PLAAT4: variants seen among roughly 807,000 people sequenced by gnomAD.
PLAAT4 encodes the protein phospholipase A and acyltransferase 4, also known as HRAS-like suppressor 4.
In PLAAT4, 12 loss-of-function variants were observed where a neutral mutation model predicts 14.1. That is an observed-to-expected ratio of 0.85 (90% CI 0.54 to 1.37). PLAAT4 has a LOEUF of 1.37. Among genes scored for constraint, PLAAT4 ranks in the 40% most tolerant of loss-of-function variants. The pLI, the probability that PLAAT4 is intolerant of heterozygous loss-of-function variation, is 0.00. For missense variants in PLAAT4, 163 were observed against 211.7 expected (o/e 0.77, Z 1.43); for synonymous variants, 77 against 79.8 (o/e 0.96, Z 0.19).
intron 3 of PLAAT4, among the ~76,000 whole-genome samples, chr11:63,545,910 C>T (rs1372210045): frequency 6.6e-6 from 1 of 152,128 alleles, no homozygotes; most frequent in East Asian, 1.9e-4. Flanking sequence ...AGGACAAGCC[C>T]AGACAAGTCG....
intron 2 of PLAAT4, among the ~76,000 whole-genome samples, chr11:63,540,562 A>G (rs2017313433): frequency 6.6e-6 from 1 of 152,190 alleles, no homozygotes; most frequent in South Asian, 2.1e-4. Context: ...ACAGTGGCTC[A>G]CTCCTATAAT....
At chr11:63,542,861 C>T (rs1206863433) in intron 2 of PLAAT4, among the ~76,000 whole-genome samples, 1 of 152,160 alleles carries the variant, frequency 6.6e-6, no homozygotes, top group Non-Finnish European at 1.5e-5. Flanking sequence ...TAACACTAAG[C>T]TTGTGTTATC....
At chr11:63,538,800 T>C (rs2017294440) in intron 1 of PLAAT4, among the ~76,000 whole-genome samples, 1 of 152,114 alleles carries the variant, frequency 6.6e-6, no homozygotes, top group South Asian at 2.1e-4. Flanking sequence ...GATCCTCAGT[T>C]TCCCCATCTG....
chr11:63,539,525 G>C lies in PLAAT4; in HGVS notation c.19G>C (p.Glu7Gln). 6.2e-7 allele frequency: 1 copy of C among 1,613,990 alleles called. No homozygotes were observed. Among genetic ancestry groups the C allele is most frequent in the Non-Finnish European group, 8.5e-7 (1 of 1,179,878 alleles). Reference sequence around the variant, plus strand: ...GGCTTTTCTGTTGCAGCCACACCAAGAGCCCAAACCTGGAGACCTGATTGA... The same window carrying C: ...GGCTTTTCTGTTGCAGCCACACCAACAGCCCAAACCTGGAGACCTGATTGA... MASPHQ[E>Q]PKPGDLIEIF... The change falls in exon 2 of 4, where the codon GAG becomes CAG. Residue 7 changes from glutamate to glutamine, a missense_variant. Transcript: ENST00000255688.
At chr11:63,542,411 C>T (rs920930627) in intron 2 of PLAAT4, among the ~76,000 whole-genome samples, 1 of 152,202 alleles carries the variant, frequency 6.6e-6, no homozygotes, top group Non-Finnish European at 1.5e-5. Context: ...CCTGCTTCCA[C>T]ACATAGGACA....
At position 63,543,060 on chromosome 11, in the gene PLAAT4, T is replaced by C. The variant is rs539790887; in HGVS notation, c.119-1561T>C. Among the ~76,000 whole-genome samples, 29 of 152,380 alleles carry C rather than the reference T, an allele frequency of 1.9e-4. No individual in the cohort carries two copies. The South Asian group carries it at 2.3e-3, about 12-fold the overall frequency. ...TTAACCACGGTAGAAGTTATGTTTG[T>C]TGATGTTCACTCATCTATACCCTCC... On this transcript the variant is annotated intron_variant, in intron 2 of 3. Coordinates refer to ENST00000255688, the MANE Select transcript of PLAAT4 (RefSeq NM_004585.5).
At position 63,546,263 on chromosome 11, in the gene PLAAT4, C is replaced by T. The variant is rs1199864498; in HGVS notation, c.*7C>T. 2 of 1,613,170 alleles carry T rather than the reference C, an allele frequency of 1.2e-6. No individual in the cohort carries two copies. The highest frequency in any genetic ancestry group is 1.3e-5 in the African/African-American group (1 of 74,914). On this transcript the variant is annotated 3_prime_UTR_variant, in exon 4 of 4. Transcript: ENST00000255688. ...AAAAAAAGCGACAGCCTGAAGCAGC[C>T]ACAAAATCCTGTGTTAGAAGCAGCT... is the stretch of plus-strand genomic sequence containing the variant.
intron 2 of PLAAT4, 165 bp from the exon 3 acceptor site, chr11:63,544,456 G>C (rs530613937): frequency 1.2e-6 from 1 of 868,734 alleles, no homozygotes; most frequent in Admixed American, 2.3e-5. Flanking sequence ...CTCCAGCCTG[G>C]GCAACAGAGT....
At chr11:63,545,071 T>G (rs2134360297) in intron 3 of PLAAT4, 182 bp downstream of exon 3, 1 of 815,210 alleles carries the variant, frequency 1.2e-6, no homozygotes, top group Non-Finnish European at 2.0e-6. Context: ...CTTTGGACAG[T>G]TCCCTTCCCC....
chr11:63,546,081 C>G lies in PLAAT4; in HGVS notation c.388-68C>G, dbSNP rs1009904448. 7 of 1,281,410 alleles carry G rather than the reference C, an allele frequency of 5.5e-6. No homozygotes were observed. The African/African-American group carries it at 5.9e-5, about 11-fold the overall frequency. 79.4% of individuals were successfully genotyped at this position (1,281,410 alleles called of 1,614,324 possible). On this transcript the variant is annotated intron_variant, in intron 3 of 3. Coordinates refer to ENST00000255688, the MANE Select transcript of PLAAT4 (RefSeq NM_004585.5). The stretch of plus-strand genomic sequence containing the variant: ...AGGGGAGAGGGAGAGGAGTTCCAGG[C>G]CCTTGGGAGGGAGAAAGTGCCAGCC...
intron 2 of PLAAT4, among the ~76,000 whole-genome samples, chr11:63,541,765 T>C (rs1385649946): frequency 6.6e-6 from 1 of 152,182 alleles, no homozygotes; most frequent in African/African-American, 2.4e-5. Context: ...TACAGTTCTT[T>C]CCATGTATAA....
intron 3 of PLAAT4, chr11:63,545,384 G>A (rs2017356035): frequency 4.9e-6 from 1 of 202,502 alleles, no homozygotes; most frequent in Non-Finnish European, 1.0e-5. Flanking sequence ...CTAATAAGTG[G>A]CAGAACCGGG....
chr11:63,540,909 T>C (rs2017316445), intron 2 of PLAAT4, among the ~76,000 whole-genome samples: 1 of 152,204 alleles, frequency 6.6e-6, no homozygotes, highest in South Asian at 2.1e-4. Flanking sequence ...GTTCATATCC[T>C]CTAGGGCAGT....
intron 1 of PLAAT4, chr11:63,538,462 G>A (rs1265014172): frequency 2.5e-5 from 8 of 324,720 alleles, no homozygotes; most frequent in South Asian, 6.8e-5. Context: ...AGAAGCTTCC[G>A]GAGTCCACAT....
intron 1 of PLAAT4, chr11:63,538,312 A>G (rs892143873): frequency 1.3e-4 from 45 of 342,088 alleles, no homozygotes; most frequent in African/African-American, 9.3e-4. Context: ...GAAGGCCACC[A>G]TGGGTTCTGA....
At chr11:63,545,392 G>A (rs1028284775) in intron 3 of PLAAT4, 1 of 198,814 alleles carries the variant, frequency 5.0e-6, no homozygotes, top group Non-Finnish European at 1.0e-5. Context: ...TGGCAGAACC[G>A]GGATTTGAAC....
chr11:63,543,930 G>A (rs1208082693), intron 2 of PLAAT4, among the ~76,000 whole-genome samples: 2 of 152,152 alleles, frequency 1.3e-5, no homozygotes, highest in Non-Finnish European at 2.9e-5. Flanking sequence ...CTGATTCTAG[G>A]ACTTTTCATA....
Position 63,544,611 on chromosome 11 carries a change from CTGAT to C in PLAAT4, c.119-7_119-4del, listed in dbSNP as rs2017347144. 1 of 1,605,782 alleles carries C rather than the reference CTGAT, an allele frequency of 6.2e-7. No individual in the cohort carries two copies. The highest frequency in any genetic ancestry group is 1.3e-5 in the African/African-American group (1 of 74,792). Reference sequence around the variant, plus strand: ...CCTTCCCCTGCCAGTGAGAGTGCCTCTGATTGCAGGTGAGTACCCCGGGGCTGGC... The same window carrying C: ...CCTTCCCCTGCCAGTGAGAGTGCCTCTGCAGGTGAGTACCCCGGGGCTGGC... On this transcript the variant is annotated splice_polypyrimidine_tract_variant and splice_region_variant and intron_variant, in intron 2 of 3. Transcript: ENST00000255688.
At chr11:63,546,108 G>A (rs1431455858) in intron 3 of PLAAT4, 41 bp from the exon 4 acceptor site, 1 of 1,551,062 alleles carries the variant, frequency 6.4e-7, no homozygotes, top group Non-Finnish European at 8.9e-7. Flanking sequence ...GTGCCAGCCT[G>A]GCTTGCCGTG....
Sources: gnomAD v4.1 joint callset for allele counts (sites outside exome capture counted in the v4.1 genomes callset) on GRCh38, gnomAD v4.1.1 for gene constraint, MANE v1.5 for transcripts, NCBI Gene and HGNC (gene_info 2026-07-23, HGNC 2026-07-21) for gene names.